The following GFRAL variants were observed in gnomAD, a reference collection of about 807,000 sequenced individuals.
GFRAL encodes the protein GDNF family receptor alpha-like.
Under a neutral mutation model 45.4 loss-of-function variants are expected in GFRAL, and 36 were observed. That is an observed-to-expected ratio of 0.79 (90% CI 0.61 to 1.05). The LOEUF (loss-of-function observed/expected upper bound fraction) is 1.05. Among genes scored for constraint, GFRAL ranks in the 50% least tolerant of loss-of-function variants. The pLI is 0.00. For missense variants in GFRAL, 507 were observed against 467.5 expected (o/e 1.08, Z -0.78); for synonymous variants, 166 against 154.1 (o/e 1.08, Z -0.57).
chr6:55,333,835 T>A lies in GFRAL; in HGVS notation c.207T>A (p.Ser69Arg). Residue 69 changes from serine to arginine, a missense_variant, in exon 3 of 9, where the codon AGT becomes AGA. Physicochemically the swap from Ser to Arg is moderately radical, Grantham distance 110. Coordinates refer to ENST00000340465, the MANE Select transcript of GFRAL (RefSeq NM_207410.2). ...GGAATTCATCATACTGTAACCTGAG[T>A]ATCCAGTACTTAGTGGAAAGCAATT... Reference protein sequence around the residue: ...KMRNSSYCNLSIQYLVESNFQ... With the variant: ...KMRNSSYCNLRIQYLVESNFQ... 1.9e-6 allele frequency: 3 copies of A among 1,608,456 alleles called. No homozygotes were observed. Among genetic ancestry groups the A allele is most frequent in the Non-Finnish European group, 1.7e-6 (2 of 1,176,420 alleles).
intron 6 of GFRAL, among the ~76,000 whole-genome samples, chr6:55,386,567 C>T (rs1339064907): frequency 1.3e-5 from 2 of 152,072 alleles, no homozygotes; most frequent in Non-Finnish European, 2.9e-5. Context: ...CCAGCTTCCC[C>T]TCATCTCTCT....
intron 6 of GFRAL, among the ~76,000 whole-genome samples, chr6:55,395,175 A>ATATATATATATATATATATAT (rs1554136792): frequency 4.9e-5 from 6 of 123,508 alleles, no homozygotes; most frequent in African/African-American, 6.9e-5. Context: ...AAAAAAAAAA[A>ATATATATATATATATATATAT]ATATATATAT....
chr6:55,379,688 C>T (rs191782847), intron 6 of GFRAL, among the ~76,000 whole-genome samples: 1 of 151,860 alleles, frequency 6.6e-6, no homozygotes, highest in African/African-American at 2.4e-5. Flanking sequence ...CATTCACTCT[C>T]TCAGCATTTT....
intron 3 of GFRAL, among the ~76,000 whole-genome samples, chr6:55,346,065 A>T (rs1768037167): frequency 6.6e-6 from 1 of 152,184 alleles, no homozygotes; most frequent in Admixed American, 6.5e-5. Context: ...GGATGTGGAG[A>T]AATAGGAACA....
intron 6 of GFRAL, among the ~76,000 whole-genome samples, chr6:55,398,925 G>C (rs1188153137): frequency 6.6e-6 from 1 of 151,920 alleles, no homozygotes; most frequent in Non-Finnish European, 1.5e-5. Flanking sequence ...AATGATTTAT[G>C]TTATAAAATA....
rs559404852 is a variant in GFRAL, at chr6:55,368,392, C to T, written c.952+9254C>T. Among the ~76,000 whole-genome samples, 103 of 151,512 alleles carry T rather than the reference C, an allele frequency of 6.8e-4. 1 individual carries two copies. The South Asian group carries it at 0.016, about 24-fold the overall frequency. On this transcript the variant is annotated intron_variant, in intron 6 of 8. Transcript: ENST00000340465. ...CTTCTTTGCCTTTGGTTTGAATGTCCTCCCGTAGCTCAGAGTAATTTGATC... is the reference window on the plus strand; with the variant it reads ...CTTCTTTGCCTTTGGTTTGAATGTCTTCCCGTAGCTCAGAGTAATTTGATC...
At chr6:55,329,210 T>C (rs1032459621) in intron 1 of GFRAL, among the ~76,000 whole-genome samples, 2 of 152,060 alleles carry the variant, frequency 1.3e-5, no homozygotes, top group African/African-American at 2.4e-5. Context: ...GTGGTTTTCT[T>C]AGTTGAGTCA....
intron 3 of GFRAL, among the ~76,000 whole-genome samples, chr6:55,337,313 C>T (rs1767904146): frequency 1.3e-5 from 2 of 152,060 alleles, no homozygotes; most frequent in African/African-American, 4.8e-5. Flanking sequence ...TTTCTGGATT[C>T]AACTGCTAAT....
intron 6 of GFRAL, among the ~76,000 whole-genome samples, chr6:55,372,536 A>T (rs1351460742): frequency 6.6e-6 from 1 of 152,188 alleles, no homozygotes; most frequent in Admixed American, 6.5e-5. Flanking sequence ...TCTTTCCTAC[A>T]TGCAGCTCTA....
intron 1 of GFRAL, among the ~76,000 whole-genome samples, chr6:55,330,760 A>G (rs1767819524): frequency 6.6e-6 from 1 of 152,176 alleles, no homozygotes. Flanking sequence ...CTAGAATAGT[A>G]CATCAGGTAG....
intron 6 of GFRAL, among the ~76,000 whole-genome samples, chr6:55,383,656 C>T (rs1401095434): frequency 6.6e-6 from 1 of 151,978 alleles, no homozygotes; most frequent in Non-Finnish European, 1.5e-5. Context: ...CCTAATGATG[C>T]ATTTCTCAGA....
chr6:55,334,072 T>C lies in GFRAL; in HGVS notation c.316+128T>C, dbSNP rs544924638. ...ATTAATTCTTTTCAAAGCTTTATTATTTTAAAAATTTTGTTGGTATATAGT... is the reference window on the plus strand; with the variant it reads ...ATTAATTCTTTTCAAAGCTTTATTACTTTAAAAATTTTGTTGGTATATAGT... On this transcript the variant is annotated intron_variant, in intron 3 of 8. Coordinates refer to ENST00000340465, the MANE Select transcript of GFRAL (RefSeq NM_207410.2). 2.9e-4 allele frequency: 189 copies of C among 656,436 alleles called. No individual in the cohort carries two copies. In the African/African-American group the frequency reaches 3.2e-3, roughly 11 times the overall value. 40.7% of individuals were successfully genotyped at this position (656,436 alleles called of 1,614,324 possible). A position where few individuals can be genotyped will look rare whatever the true frequency, so the allele number is the denominator to read the frequency against.
intron 4 of GFRAL, among the ~76,000 whole-genome samples, chr6:55,350,857 C>G (rs1235043086): frequency 6.6e-6 from 1 of 152,092 alleles, no homozygotes; most frequent in East Asian, 1.9e-4. Flanking sequence ...CAAGATTCCC[C>G]TCACAAAAAT....
chr6:55,331,396 A>G (rs1234581870), intron 1 of GFRAL, among the ~76,000 whole-genome samples: 1 of 152,152 alleles, frequency 6.6e-6, no homozygotes, highest in Non-Finnish European at 1.5e-5. Context: ...TAAAACCATT[A>G]AGTTAGATTT....
At chr6:55,328,917 A>G (rs1334778642) in intron 1 of GFRAL, among the ~76,000 whole-genome samples, 2 of 152,072 alleles carry the variant, frequency 1.3e-5, no homozygotes, top group Non-Finnish European at 2.9e-5. Flanking sequence ...TCTTATAATG[A>G]GGAAAATGTC....
chr6:55,356,457 A>T (rs907971493), intron 5 of GFRAL, among the ~76,000 whole-genome samples: 1 of 151,860 alleles, frequency 6.6e-6, no homozygotes, highest in East Asian at 1.9e-4. Flanking sequence ...CTACAAATTT[A>T]TTCACTTATC....
intron 3 of GFRAL, among the ~76,000 whole-genome samples, chr6:55,342,614 T>C (rs939281985): frequency 1.3e-5 from 2 of 151,984 alleles, no homozygotes; most frequent in African/African-American, 4.8e-5. Context: ...AGAAACTGCA[T>C]CAACCAACGA....
chr6:55,349,724 G>A (rs374934441), intron 3 of GFRAL, among the ~76,000 whole-genome samples: 3 of 151,446 alleles, frequency 2.0e-5, no homozygotes, highest in African/African-American at 4.8e-5. Context: ...TTTTTATGCT[G>A]GGCAGGGTGG....
intron 6 of GFRAL, among the ~76,000 whole-genome samples, chr6:55,360,153 A>G (rs564349269): frequency 1.8e-4 from 27 of 152,102 alleles, no homozygotes; most frequent in African/African-American, 6.3e-4. Flanking sequence ...AGTCTTAAGG[A>G]AACAACCTAA....
Sources: gnomAD v4.1 joint callset for allele counts (sites outside exome capture counted in the v4.1 genomes callset) on GRCh38, gnomAD v4.1.1 for gene constraint, MANE v1.5 for transcripts, NCBI Gene and HGNC (gene_info 2026-07-23, HGNC 2026-07-21) for gene names.